The following TMEM255B variants were observed in gnomAD, a reference collection of about 807,000 sequenced individuals.
TMEM255B encodes the protein transmembrane protein 255B.
In TMEM255B, 35 loss-of-function variants were observed where a neutral mutation model predicts 34.5. The ratio of observed to expected loss-of-function variants is 1.01; its 90% CI spans 0.77 to 1.34. The LOEUF (loss-of-function observed/expected upper bound fraction) is 1.34, where lower values mean the gene tolerates loss of function less well. Among genes scored for constraint, TMEM255B ranks in the 40% most tolerant of loss-of-function variants. TMEM255B has a pLI of 0.00. For synonymous variants in TMEM255B, 206 were observed against 201.2 expected, an observed-to-expected ratio of 1.02 and a Z score of -0.20; for missense variants, 432 against 433.2, an observed-to-expected ratio of 1.00 and a Z score of 0.02.
Position 113,759,321 on chromosome 13 carries a change from C to A in TMEM255B, c.46+6C>A. ...GGGCCTGCTGGACCCCGCAGGTGAGCGCGGGGCTGGGGGCTCGTCTCGGCT... is the reference window on the plus strand; with the variant it reads ...GGGCCTGCTGGACCCCGCAGGTGAGAGCGGGGCTGGGGGCTCGTCTCGGCT... On this transcript the variant is annotated splice_donor_region_variant and intron_variant, in intron 1 of 8. Transcript: ENST00000375353. 8.1e-7 allele frequency: 1 copy of A among 1,229,470 alleles called. No homozygotes were observed. Among genetic ancestry groups the A allele is most frequent in the Non-Finnish European group, 1.0e-6 (1 of 986,464 alleles). The allele number at this position is 1,229,470 out of a possible 1,614,324, so 76.2% of individuals were successfully genotyped here.
At chr13:113,761,096 G>T in intron 1 of TMEM255B, 1 of 775,746 alleles carries the variant, frequency 1.3e-6, no homozygotes, top group Non-Finnish European at 1.6e-6. Flanking sequence ...AGGAATTGAC[G>T]GCTGAGTGAT....
chr13:113,761,642 T>C (rs2050310253), intron 1 of TMEM255B, among the ~76,000 whole-genome samples: 1 of 152,200 alleles, frequency 6.6e-6, no homozygotes, highest in African/African-American at 2.4e-5. Context: ...CTACGCCGTC[T>C]TAAAGTTCAC....
chr13:113,766,600 G>A, intron 2 of TMEM255B: 1 of 371,904 alleles, frequency 2.7e-6, no homozygotes, highest in Non-Finnish European at 5.1e-6. Flanking sequence ...TGTCCAAGGT[G>A]GAGGAGGGGC....
At chr13:113,795,027 A>G (rs2050895662) in intron 3 of TMEM255B, 121 bp from the exon 4 acceptor site, 4 of 832,198 alleles carry the variant, frequency 4.8e-6, no homozygotes, top group Non-Finnish European at 5.9e-6. Context: ...CGAAAGGTAG[A>G]GGTGAGAAGA....
intron 3 of TMEM255B, among the ~76,000 whole-genome samples, chr13:113,776,275 G>C (rs916522639): frequency 1.3e-5 from 2 of 152,240 alleles, no homozygotes; most frequent in Non-Finnish European, 2.9e-5. Flanking sequence ...CTGGCTGCCT[G>C]GGCATCTGCC....
chr13:113,795,061 G>A (rs9577895), intron 3 of TMEM255B, 87 bp from the exon 4 acceptor site: 621,530 of 1,246,542 alleles, frequency 0.5, 160,724 homozygotes, highest in East Asian at 0.8. Flanking sequence ...AAGAAGCCCC[G>A]ACCTCGAGCT....
At chr13:113,804,445 T>A (rs1036588920) in intron 7 of TMEM255B, among the ~76,000 whole-genome samples, 2 of 151,764 alleles carry the variant, frequency 1.3e-5, no homozygotes, top group African/African-American at 4.8e-5. Flanking sequence ...AGTGCTTTTT[T>A]CTCCCCCCCC....
At chr13:113,760,971 C>G (rs2050298104) in intron 1 of TMEM255B, among the ~76,000 whole-genome samples, 1 of 151,238 alleles carries the variant, frequency 6.6e-6, no homozygotes, top group South Asian at 2.1e-4. Flanking sequence ...TTTGGGGTAT[C>G]TGGGGGTGGA....
intron 5 of TMEM255B, 71 bp from the exon 6 acceptor site, chr13:113,800,756 G>A: frequency 6.9e-7 from 1 of 1,454,946 alleles, no homozygotes. Context: ...CCATGAGGCA[G>A]CCCTGCCCTT....
intron 2 of TMEM255B, chr13:113,768,108 C>G (rs2050419137): frequency 2.3e-6 from 1 of 438,778 alleles, no homozygotes; most frequent in African/African-American, 2.0e-5. Flanking sequence ...ACCACGGCCC[C>G]AGCAACTCCA....
Position 113,814,336 on chromosome 13 carries a change from A to C in TMEM255B, c.*2433A>C, listed in dbSNP as rs1011071631. On this transcript the variant is annotated 3_prime_UTR_variant, in exon 9 of 9. Transcript: ENST00000375353. Reference sequence around the variant, plus strand: ...CGGTCGCAGGGTGCGGTGTGGGGGCATCAGAGTGCTTCCCCGAGGCTGCAC... The same window carrying C: ...CGGTCGCAGGGTGCGGTGTGGGGGCCTCAGAGTGCTTCCCCGAGGCTGCAC... 6.6e-6 allele frequency: 1 copy of C among 152,242 alleles called. No individual in the cohort carries two copies. The highest frequency in any genetic ancestry group is 1.5e-5 in the Non-Finnish European group (1 of 68,044). The allele number at this position is 152,242 out of a possible 1,614,324, so 9.4% of individuals were successfully genotyped here.
intron 3 of TMEM255B, among the ~76,000 whole-genome samples, chr13:113,785,799 G>C (rs1360924263): frequency 6.6e-6 from 1 of 152,160 alleles, no homozygotes; most frequent in Non-Finnish European, 1.5e-5. Context: ...GTTGCCCTCA[G>C]GGGCTCAGGA....
At chr13:113,763,099 C>T (rs1490224617) in intron 1 of TMEM255B, among the ~76,000 whole-genome samples, 2 of 152,186 alleles carry the variant, frequency 1.3e-5, no homozygotes, top group Non-Finnish European at 2.9e-5. Flanking sequence ...CATTTGGCTG[C>T]ATTGGCAGGT....
intron 3 of TMEM255B, among the ~76,000 whole-genome samples, chr13:113,777,442 C>G (rs939513250): frequency 3.9e-5 from 6 of 152,144 alleles, no homozygotes; most frequent in Non-Finnish European, 8.8e-5. Context: ...TGGACAGTGG[C>G]GGAGGCTGCC....
At chr13:113,772,467 A>G (rs1182140542) in intron 3 of TMEM255B, among the ~76,000 whole-genome samples, 1 of 151,958 alleles carries the variant, frequency 6.6e-6, no homozygotes, top group Admixed American at 6.6e-5. Flanking sequence ...TGTAGTTTTA[A>G]CTCTTCCATC....
intron 1 of TMEM255B, chr13:113,761,242 G>T: frequency 4.1e-6 from 4 of 985,344 alleles, no homozygotes; most frequent in Non-Finnish European, 4.8e-6. Flanking sequence ...TCCAAGCAGT[G>T]CCACCTCCCA....
chr13:113,799,530 C>A, intron 5 of TMEM255B, 111 bp downstream of exon 5: 1 of 1,006,208 alleles, frequency 9.9e-7, no homozygotes, highest in Non-Finnish European at 1.5e-6. Context: ...CTAATAGTTC[C>A]TGGGGGTCAC....
intron 3 of TMEM255B, among the ~76,000 whole-genome samples, chr13:113,775,629 GC>G (rs1566725166): frequency 6.6e-6 from 1 of 152,250 alleles, no homozygotes; most frequent in Non-Finnish European, 1.5e-5. Flanking sequence ...CCATCCACTT[GC>G]CATCCAACCC....
chr13:113,796,988 G>A (rs938182594), intron 4 of TMEM255B, among the ~76,000 whole-genome samples: 3 of 152,246 alleles, frequency 2.0e-5, no homozygotes, highest in African/African-American at 7.2e-5. Context: ...GGTGCGTCAT[G>A]GGAGCTTTCT....
Sources: allele counts gnomAD v4.1 joint callset (sites outside exome capture counted in the v4.1 genomes callset), GRCh38; gene constraint gnomAD v4.1.1; transcripts MANE v1.5; gene names NCBI Gene and HGNC (gene_info 2026-07-23, HGNC 2026-07-21).